The following BACH2 variants were observed in gnomAD, a reference collection of about 807,000 sequenced individuals.
BACH2 encodes the protein BACH transcriptional regulator 2.
BACH2 carries 5 observed loss-of-function variants against 61.8 expected under a neutral mutation model. The observed-to-expected ratio is 0.08, with a 90% CI of 0.04 to 0.17. The LOEUF (loss-of-function observed/expected upper bound fraction) is 0.17, where lower values mean the gene tolerates loss of function less well. Among genes scored for constraint, BACH2 ranks in the 10% least tolerant of loss-of-function variants. The probability of loss-of-function intolerance (pLI) is 1.00; values close to 1 mark genes in which losing one functional copy is unlikely to be tolerated. For synonymous variants in BACH2, 446 were observed against 440.1 expected (o/e 1.01, Z -0.17); for missense variants, 824 against 1,091.1 (o/e 0.76, Z 3.45).
At chr6:89,993,489 A>C (rs529536867) in intron 6 of BACH2, among the ~76,000 whole-genome samples, 1 of 152,198 alleles carries the variant, frequency 6.6e-6, no homozygotes, top group East Asian at 1.9e-4. Context: ...AGCAAGGAAA[A>C]CCCTGGCAAT....
chr6:90,104,045 C>T (rs1782792976), intron 4 of BACH2, among the ~76,000 whole-genome samples: 1 of 152,200 alleles, frequency 6.6e-6, no homozygotes, highest in African/African-American at 2.4e-5. Context: ...CAGGGACATA[C>T]TGACCCTTAA....
intron 5 of BACH2, among the ~76,000 whole-genome samples, chr6:90,011,080 T>C (rs1381103501): frequency 6.6e-6 from 1 of 152,212 alleles, no homozygotes; most frequent in Non-Finnish European, 1.5e-5. Flanking sequence ...AAAGTCTTTA[T>C]TTGATGAAGC....
intron 3 of BACH2, among the ~76,000 whole-genome samples, chr6:90,219,231 A>C (rs1769653979): frequency 6.6e-6 from 1 of 152,170 alleles, no homozygotes; most frequent in Admixed American, 6.5e-5. Context: ...GTGGGTATTA[A>C]GCACTTAGGT....
intron 4 of BACH2, among the ~76,000 whole-genome samples, chr6:90,105,971 T>G (rs955586241): frequency 2.6e-5 from 4 of 152,174 alleles, no homozygotes; most frequent in Non-Finnish European, 5.9e-5. Context: ...TTTCCTGTTC[T>G]CTCCAAAGCT....
intron 2 of BACH2, among the ~76,000 whole-genome samples, chr6:90,266,591 GAT>G (rs548762545): frequency 1.3e-3 from 197 of 152,214 alleles, no homozygotes; most frequent in Admixed American, 2.3e-3. Flanking sequence ...ATGAAGTACT[GAT>G]ACACACAACA....
intron 6 of BACH2, among the ~76,000 whole-genome samples, chr6:89,957,839 C>G (rs1288562149): frequency 3.9e-5 from 6 of 152,146 alleles, no homozygotes; most frequent in African/African-American, 1.4e-4. Flanking sequence ...TGTGCCTGGG[C>G]AATTTTATTA....
At chr6:89,942,234 C>T (rs1034656807) in intron 7 of BACH2, among the ~76,000 whole-genome samples, 1 of 152,136 alleles carries the variant, frequency 6.6e-6, no homozygotes, top group Non-Finnish European at 1.5e-5. Context: ...CAAGTTGTTT[C>T]TTGAGTAATA....
chr6:90,147,349 CA>C (rs1353746762), intron 4 of BACH2, among the ~76,000 whole-genome samples: 1 of 151,998 alleles, frequency 6.6e-6, no homozygotes, highest in African/African-American at 2.4e-5. Flanking sequence ...GTCCTCTCTC[CA>C]AACTCCTCAA....
At chr6:90,077,211 G>A (rs889963744) in intron 5 of BACH2, among the ~76,000 whole-genome samples, 3 of 152,148 alleles carry the variant, frequency 2.0e-5, no homozygotes, top group African/African-American at 7.2e-5. Context: ...ATCACAGCCA[G>A]AGTCTAATTT....
At chr6:90,210,037 T>TC (rs1342830727) in intron 3 of BACH2, among the ~76,000 whole-genome samples, 5 of 152,150 alleles carry the variant, frequency 3.3e-5, no homozygotes, top group African/African-American at 1.2e-4. Flanking sequence ...TGTAAATCTT[T>TC]TAAAAAATAT....
chr6:90,293,138 G>A (rs1158155120), intron 1 of BACH2, among the ~76,000 whole-genome samples: 1 of 152,184 alleles, frequency 6.6e-6, no homozygotes, highest in Non-Finnish European at 1.5e-5. Context: ...CAGGGAAGAG[G>A]AAGGGGGCCT....
chr6:89,953,591 G>C (rs988662194), intron 6 of BACH2, among the ~76,000 whole-genome samples: 10 of 152,178 alleles, frequency 6.6e-5, no homozygotes, highest in Non-Finnish European at 1.2e-4. Flanking sequence ...AAGACAGCAA[G>C]CTCCTTCAGA....
chr6:89,972,007 A>G (rs1371479895), intron 6 of BACH2, among the ~76,000 whole-genome samples: 2 of 152,116 alleles, frequency 1.3e-5, no homozygotes, highest in Non-Finnish European at 2.9e-5. Context: ...AGCCTGAGGG[A>G]GGATTAGTTA....
At chr6:90,013,849 G>A (rs1053748403) in intron 5 of BACH2, among the ~76,000 whole-genome samples, 2 of 151,698 alleles carry the variant, frequency 1.3e-5, no homozygotes, top group African/African-American at 4.8e-5. Context: ...TGGCACTCAT[G>A]GCTCACTGCA....
At chr6:90,178,144 C>T (rs777398357) in intron 4 of BACH2, among the ~76,000 whole-genome samples, 5 of 152,102 alleles carry the variant, frequency 3.3e-5, no homozygotes, top group Admixed American at 6.6e-5. Flanking sequence ...TGATACCAAC[C>T]GAACCTCCGC....
rs1768749031 is a variant in BACH2 at position 90,196,088 on chromosome 6, T to C, written c.-162+10481A>G. 1.3e-5 allele frequency among the ~76,000 whole-genome samples: 2 copies of C among 151,668 alleles called. 1 individual carries two copies. Among genetic ancestry groups the C allele is most frequent in the South Asian group, 4.1e-4 (2 of 4,826 alleles). ...CAAGATCATGAAGGTAGCGAGAGAA[T>C]GAGCCACAATTTGAACAAGGGTCCA... On this transcript the variant is annotated intron_variant, in intron 4 of 8. Transcript: ENST00000257749.
chr6:90,264,853 A>T (rs1771274298), intron 2 of BACH2, among the ~76,000 whole-genome samples: 1 of 152,180 alleles, frequency 6.6e-6, no homozygotes, highest in Non-Finnish European at 1.5e-5. Flanking sequence ...GAGAGGTTGG[A>T]GGTAGATTCA....
intron 4 of BACH2, among the ~76,000 whole-genome samples, chr6:90,109,623 G>C (rs1024993431): frequency 1.3e-5 from 2 of 152,094 alleles, no homozygotes; most frequent in Non-Finnish European, 2.9e-5. Flanking sequence ...TGCATCTCAA[G>C]TATAACATGG....
chr6:90,122,237 C>A (rs1783657952), intron 4 of BACH2, among the ~76,000 whole-genome samples: 1 of 152,154 alleles, frequency 6.6e-6, no homozygotes, highest in South Asian at 2.1e-4. Flanking sequence ...TTGTGCATGA[C>A]CAGACATCGG....
Sources: allele counts gnomAD v4.1 joint callset (sites outside exome capture counted in the v4.1 genomes callset), GRCh38; gene constraint gnomAD v4.1.1; transcripts MANE v1.5; gene names NCBI Gene and HGNC (gene_info 2026-07-23, HGNC 2026-07-21).